Variants in TUFT1 observed in about 807,000 individuals in gnomAD.
TUFT1 encodes tuftelin.
Under a neutral mutation model 57.8 loss-of-function variants are expected in TUFT1, and 43 were observed. The observed-to-expected ratio is 0.74, with a 90% CI of 0.58 to 0.96. TUFT1 has a LOEUF of 0.96. Ranked by LOEUF, TUFT1 falls within the 40% of genes least tolerant of loss-of-function variation. TUFT1 has a pLI of 0.00. For missense variants in TUFT1, 459 were observed against 489.0 expected (o/e 0.94, Z 0.58); for synonymous variants, 166 against 176.7 (o/e 0.94, Z 0.48).
In TUFT1 at chr1:151,582,337, G is replaced by A; in HGVS notation, c.*630G>A. ...GGAGGAGGGAATGTACATTCAGGGA[G>A]TAGCCTTTTGCGGAAAAATTCTCTA... On this transcript the variant is annotated 3_prime_UTR_variant, in exon 13 of 13. Coordinates refer to ENST00000368849, the MANE Select transcript of TUFT1 (RefSeq NM_020127.3). 5 of 392,314 alleles carry A rather than the reference G, an allele frequency of 1.3e-5. No homozygotes were observed. The highest frequency in any genetic ancestry group is 9.3e-5 in the South Asian group (5 of 53,510). 24.3% of individuals were successfully genotyped at this position (392,314 alleles called of 1,614,324 possible).
chr1:151,581,678 A>G lies in TUFT1; in HGVS notation c.1144A>G (p.Met382Val). 1 of 1,614,124 alleles carries G rather than the reference A, an allele frequency of 6.2e-7. No individual in the cohort carries two copies. The highest frequency in any genetic ancestry group is 8.5e-7 in the Non-Finnish European group (1 of 1,180,012). ...RISKPPSPKP[M>V]PVIRVVET is the part of the protein sequence containing the mutation. Reference sequence around the variant, plus strand: ...ATCCAAGCCGCCTAGCCCGAAGCCCATGCCTGTCATCCGAGTGGTGGAAAC... The same window carrying G: ...ATCCAAGCCGCCTAGCCCGAAGCCCGTGCCTGTCATCCGAGTGGTGGAAAC... The change falls in exon 13 of 13, where the codon ATG becomes GTG. Residue 382 changes from methionine (M) to valine (V), a missense_variant. Coordinates refer to ENST00000368849, the MANE Select transcript of TUFT1 (RefSeq NM_020127.3).
intron 7 of TUFT1, among the ~76,000 whole-genome samples, chr1:151,572,282 G>A (rs1432270480): frequency 2.0e-5 from 3 of 152,066 alleles, no homozygotes; most frequent in Admixed American, 6.5e-5. Context: ...GTTGGGCTAG[G>A]TTGGCACACC....
At chr1:151,542,224 CTTTTCTCTTTTT>C (rs1481992963) in intron 1 of TUFT1, among the ~76,000 whole-genome samples, 2 of 151,230 alleles carry the variant, frequency 1.3e-5, no homozygotes, top group Non-Finnish European at 2.9e-5. Flanking sequence ...TTTCTCTTTT[CTTTTCTCTTTTT>C]TTGAGACAGG....
intron 1 of TUFT1, 70 bp from the exon 2 acceptor site, chr1:151,562,021 T>C: frequency 6.5e-7 from 1 of 1,539,406 alleles, no homozygotes; most frequent in African/African-American, 1.4e-5. Context: ...AGCACCCCTG[T>C]ACTGGTAGCA....
intron 1 of TUFT1, among the ~76,000 whole-genome samples, chr1:151,543,327 ATGTGTGTGTG>A (rs10626781): frequency 2.1e-4 from 31 of 146,856 alleles, no homozygotes; most frequent in Middle Eastern, 3.5e-3. Context: ...TTATATATAT[ATGTGTGTGTG>A]TGTGTGTGTG....
At chr1:151,566,952 A>G (rs1210827783) in intron 6 of TUFT1, among the ~76,000 whole-genome samples, 1 of 152,010 alleles carries the variant, frequency 6.6e-6, no homozygotes, top group Non-Finnish European at 1.5e-5. Flanking sequence ...ACAGAGTCTC[A>G]CCCTGTCACC....
At chr1:151,540,752 G>C in intron 1 of TUFT1, 1 of 309,000 alleles carries the variant, frequency 3.2e-6, no homozygotes, top group Non-Finnish European at 6.2e-6. Context: ...TGGGTCATAA[G>C]AGAATGAGCT....
chr1:151,574,514 T>G, intron 8 of TUFT1, 116 bp downstream of exon 8: 1 of 1,360,274 alleles, frequency 7.4e-7, no homozygotes, highest in Non-Finnish European at 1.0e-6. Flanking sequence ...AAAAGCACAC[T>G]TCGCACCTTC....
Position 151,569,647 on chromosome 1 carries a change from C to G in TUFT1, c.481-10C>G. On this transcript the variant is annotated splice_polypyrimidine_tract_variant and intron_variant, in intron 6 of 12. Transcript: ENST00000368849. The stretch of plus-strand genomic sequence containing the variant: ...AGGGCTTCCCCTTCCCTTCCTTGTT[C>G]TGGCTGTAGGTGGACACCTGTATAA... 3 of 1,610,918 alleles carry G rather than the reference C, an allele frequency of 1.9e-6. No homozygotes were observed. Among genetic ancestry groups the G allele is most frequent in the Non-Finnish European group, 2.5e-6 (3 of 1,177,548 alleles).
At chr1:151,542,892 C>T (rs1665211689) in intron 1 of TUFT1, among the ~76,000 whole-genome samples, 1 of 152,166 alleles carries the variant, frequency 6.6e-6, no homozygotes, top group African/African-American at 2.4e-5. Context: ...TCTGGACAAC[C>T]CCCAGGAATC....
At chr1:151,545,860 G>A in intron 1 of TUFT1, 1 of 533,706 alleles carries the variant, frequency 1.9e-6, no homozygotes, top group South Asian at 1.4e-5. Flanking sequence ...ATGGGTCAGG[G>A]TTCATATTTT....
At chr1:151,541,493 A>T (rs540126433) in intron 1 of TUFT1, among the ~76,000 whole-genome samples, 1 of 152,180 alleles carries the variant, frequency 6.6e-6, no homozygotes, top group Admixed American at 6.5e-5. Context: ...AACTAAGGTG[A>T]TGGGGAACTT....
intron 1 of TUFT1, among the ~76,000 whole-genome samples, chr1:151,541,253 G>A (rs938403429): frequency 2.6e-5 from 4 of 152,114 alleles, no homozygotes; most frequent in Admixed American, 6.5e-5. Context: ...AGAGGGTTGC[G>A]GAGAAAGGGG....
At chr1:151,559,414 G>T (rs1665812841) in intron 1 of TUFT1, among the ~76,000 whole-genome samples, 1 of 152,210 alleles carries the variant, frequency 6.6e-6, no homozygotes, top group African/African-American at 2.4e-5. Context: ...GGAAGATGAG[G>T]CATTTGAACA....
intron 2 of TUFT1, 125 bp downstream of exon 2, chr1:151,562,290 G>T: frequency 1.2e-6 from 1 of 827,132 alleles, no homozygotes; most frequent in Non-Finnish European, 2.0e-6. Flanking sequence ...CCTCCTTTCA[G>T]CAACATCCAG....
At chr1:151,576,805 A>G (rs1461339703) in intron 9 of TUFT1, among the ~76,000 whole-genome samples, 2 of 152,196 alleles carry the variant, frequency 1.3e-5, no homozygotes, top group Non-Finnish European at 2.9e-5. Context: ...GTGTATTTTT[A>G]GTAGAGATGG....
chr1:151,566,236 A>T lies in TUFT1; in HGVS notation c.480+8A>T. 1 of 1,609,334 alleles carries T rather than the reference A, an allele frequency of 6.2e-7. No homozygotes were observed. The highest frequency in any genetic ancestry group is 1.1e-5 in the South Asian group (1 of 90,392). On this transcript the variant is annotated splice_region_variant and intron_variant, in intron 6 of 12. Transcript: ENST00000368849. ...TACAGCAGCCCACCTGAGGTAGGTA[A>T]CAGAGGACACCATGGTGGCTCCGCT...
chr1:151,581,076 G>C (rs1213142018), intron 12 of TUFT1, 34 bp downstream of exon 12: 2 of 1,586,038 alleles, frequency 1.3e-6, no homozygotes, highest in African/African-American at 2.7e-5. Context: ...ATGGGGCCAG[G>C]GAGGAGGGGA....
rs1666003407 is a variant in TUFT1 at position 151,564,559 on chromosome 1, T to C, written c.359T>C (p.Ile120Thr). Residue 120 changes from isoleucine to threonine, a missense_variant, in exon 5 of 13, where the codon ATA (isoleucine) becomes ACA (threonine). Transcript: ENST00000368849. ...TGCCTACAGAAGCTCCGGGAGGATA[T>C]AAGTAGCAAGCTTGACAGGAACCTA... ...RNCLQKLRED[I>T]SSKLDRNLGD... 2 of 1,614,112 alleles carry C rather than the reference T, an allele frequency of 1.2e-6. No individual in the cohort carries two copies. Among genetic ancestry groups the C allele is most frequent in the East Asian group, 4.5e-5 (2 of 44,876 alleles).
Sources: gnomAD v4.1 joint callset for allele counts (sites outside exome capture counted in the v4.1 genomes callset) on GRCh38, gnomAD v4.1.1 for gene constraint, MANE v1.5 for transcripts, NCBI Gene and HGNC (gene_info 2026-07-23, HGNC 2026-07-21) for gene names.